DPYD: variants seen among roughly 807,000 people sequenced by gnomAD.
DPYD encodes dihydropyrimidine dehydrogenase.
In DPYD, 109 loss-of-function variants were observed where a neutral mutation model predicts 116.2. The ratio of observed to expected loss-of-function variants is 0.94; its 90% confidence interval spans 0.80 to 1.10. The LOEUF is 1.10. Ranked by LOEUF, DPYD falls within the 50% of genes least tolerant of loss-of-function variation. The pLI, the probability that DPYD is intolerant of heterozygous loss-of-function variation, is 0.00. For missense variants in DPYD, 1,302 were observed against 1,254.5 expected (o/e 1.04, Z -0.57); for synonymous variants, 440 against 432.0 (o/e 1.02, Z -0.23).
chr1:97,195,233 G>A (rs1658665175), intron 19 of DPYD, among the ~76,000 whole-genome samples: 1 of 151,940 alleles, frequency 6.6e-6, no homozygotes, highest in African/African-American at 2.4e-5. Flanking sequence ...TTTCTATCCT[G>A]TTTTCCCAGA....
intron 8 of DPYD, among the ~76,000 whole-genome samples, chr1:97,597,915 A>G (rs1236397988): frequency 6.6e-6 from 1 of 152,216 alleles, no homozygotes; most frequent in Non-Finnish European, 1.5e-5. Context: ...TTCTAAAAAC[A>G]GAGATAAAAA....
chr1:97,823,876 T>A (rs1669094910), intron 3 of DPYD, among the ~76,000 whole-genome samples: 1 of 149,088 alleles, frequency 6.7e-6, no homozygotes, highest in Non-Finnish European at 1.5e-5. Flanking sequence ...TTTTTTTTTT[T>A]TTTTTTTTTT....
chr1:97,242,323 G>C (rs2100777807), intron 18 of DPYD, among the ~76,000 whole-genome samples: 1 of 150,610 alleles, frequency 6.6e-6, no homozygotes, highest in East Asian at 1.9e-4. Context: ...ATAAATTATA[G>C]TTCACCAAGA....
chr1:97,111,979 T>C (rs1049818742), intron 20 of DPYD, among the ~76,000 whole-genome samples: 2 of 152,076 alleles, frequency 1.3e-5, no homozygotes, highest in Non-Finnish European at 2.9e-5. Context: ...TTATATAAAT[T>C]GTATAGAGTG....
At chr1:97,659,379 T>G (rs1252306470) in intron 8 of DPYD, among the ~76,000 whole-genome samples, 1 of 152,144 alleles carries the variant, frequency 6.6e-6, no homozygotes, top group Non-Finnish European at 1.5e-5. Flanking sequence ...TCAATGATAA[T>G]TTTTAGATTA....
intron 19 of DPYD, among the ~76,000 whole-genome samples, chr1:97,195,647 T>TAC (rs1389357483): frequency 1.1e-4 from 1 of 8,932 alleles, no homozygotes; most frequent in Non-Finnish European, 2.1e-4. Flanking sequence ...TATATATATA[T>TAC]ATATATATAT....
chr1:97,850,399 T>G (rs1670512711), intron 2 of DPYD, among the ~76,000 whole-genome samples: 1 of 152,196 alleles, frequency 6.6e-6, no homozygotes, highest in Non-Finnish European at 1.5e-5. Flanking sequence ...AAGATATGCT[T>G]AACTAAATTC....
chr1:97,708,455 C>T (rs1471412578), intron 5 of DPYD, among the ~76,000 whole-genome samples: 16 of 151,996 alleles, frequency 1.1e-4, no homozygotes, highest in Admixed American at 6.6e-4. Context: ...GATAAGTTGG[C>T]TATATTTACG....
At chr1:97,716,773 A>T (rs967786132) in intron 5 of DPYD, among the ~76,000 whole-genome samples, 2 of 152,092 alleles carry the variant, frequency 1.3e-5, no homozygotes, top group African/African-American at 4.8e-5. Flanking sequence ...TTCTTAGGAA[A>T]CATAAAACAT....
At chr1:97,824,110 A>T (rs2101462923) in intron 3 of DPYD, among the ~76,000 whole-genome samples, 1 of 152,302 alleles carries the variant, frequency 6.6e-6, no homozygotes, top group South Asian at 2.1e-4. Context: ...CAATCACATT[A>T]AAAGATGTCA....
chr1:97,599,824 G>C (rs1655131410), intron 8 of DPYD, among the ~76,000 whole-genome samples: 1 of 112,272 alleles, frequency 8.9e-6, no homozygotes, highest in South Asian at 3.3e-4. Flanking sequence ...AGGAATTCGA[G>C]ATCAGCCTGA....
At chr1:97,516,797 T>C (rs1399836566) in intron 12 of DPYD, among the ~76,000 whole-genome samples, 1 of 152,008 alleles carries the variant, frequency 6.6e-6, no homozygotes, top group Non-Finnish European at 1.5e-5. Flanking sequence ...ATCAGGCCTT[T>C]TGTTTGTAAA....
At chr1:97,558,475 T>C (rs753000229) in intron 11 of DPYD, among the ~76,000 whole-genome samples, 5 of 152,190 alleles carry the variant, frequency 3.3e-5, no homozygotes, top group Admixed American at 1.3e-4. Flanking sequence ...AAAGTATTTC[T>C]ACACTGACAA....
At chr1:97,548,208 A>G (rs1651046504) in intron 12 of DPYD, among the ~76,000 whole-genome samples, 1 of 152,190 alleles carries the variant, frequency 6.6e-6, no homozygotes, top group African/African-American at 2.4e-5. Flanking sequence ...TTTTATTAAC[A>G]AGAGCAAATT....
chr1:97,719,948 T>G, intron 5 of DPYD: 1 of 985,044 alleles, frequency 1.0e-6, no homozygotes, highest in Non-Finnish European at 1.2e-6. Context: ...AAGACCTAAG[T>G]GTGACCACTC....
chr1:97,301,795 A>C (rs1666881370), intron 18 of DPYD, among the ~76,000 whole-genome samples: 1 of 151,962 alleles, frequency 6.6e-6, no homozygotes, highest in Admixed American at 6.6e-5. Context: ...ACCCACAGGG[A>C]GGATTTCATG....
intron 8 of DPYD, among the ~76,000 whole-genome samples, chr1:97,619,355 G>A (rs185470935): frequency 4.1e-4 from 62 of 152,212 alleles, no homozygotes; most frequent in African/African-American, 1.4e-3. Context: ...TGGAATGCTG[G>A]TTGACAGGAC....
At chr1:97,794,140 G>C (rs1314526284) in intron 3 of DPYD, among the ~76,000 whole-genome samples, 1 of 152,072 alleles carries the variant, frequency 6.6e-6, no homozygotes, top group Non-Finnish European at 1.5e-5. Flanking sequence ...GTTTCACCAT[G>C]TTACCCAGAC....
intron 20 of DPYD, among the ~76,000 whole-genome samples, chr1:97,172,320 A>C (rs1344425974): frequency 6.6e-6 from 1 of 152,214 alleles, no homozygotes; most frequent in Non-Finnish European, 1.5e-5. Flanking sequence ...AAAATACTTA[A>C]AACTCATATT....
Sources: allele counts gnomAD v4.1 joint callset (sites outside exome capture counted in the v4.1 genomes callset), GRCh38; gene constraint gnomAD v4.1.1; transcripts MANE v1.5; gene names NCBI Gene and HGNC (gene_info 2026-07-23, HGNC 2026-07-21).